STX7: variants seen among roughly 807,000 people sequenced by gnomAD.
STX7 encodes syntaxin 7.
In STX7, 34 loss-of-function variants were observed where a neutral mutation model predicts 39.6. The observed-to-expected ratio is 0.86, with a 90% CI of 0.65 to 1.14. The LOEUF (loss-of-function observed/expected upper bound fraction) is 1.14, where lower values mean the gene tolerates loss of function less well. Ranked by LOEUF, STX7 falls within the 50% of genes most tolerant of loss-of-function variation. The probability of loss-of-function intolerance (pLI) is 0.00; values close to 1 mark genes in which losing one functional copy is unlikely to be tolerated. For missense variants in STX7, 284 were observed against 310.4 expected (o/e 0.92, Z 0.64); for synonymous variants, 119 against 99.1 (o/e 1.20, Z -1.19).
intron 3 of STX7, 57 bp downstream of exon 3, chr6:132,475,536 A>C: frequency 8.0e-7 from 1 of 1,245,424 alleles, no homozygotes. Flanking sequence ...TAAAAGCAAC[A>C]GAATAATAGC....
intron 1 of STX7, among the ~76,000 whole-genome samples, chr6:132,506,948 TAA>T: frequency 6.6e-6 from 1 of 152,310 alleles, no homozygotes; most frequent in East Asian, 1.9e-4. Context: ...GTAGTGTATA[TAA>T]ATGCAATGGA....
intron 8 of STX7, among the ~76,000 whole-genome samples, chr6:132,465,337 TCAA>T (rs1475327027): frequency 6.6e-6 from 1 of 152,106 alleles, no homozygotes. Flanking sequence ...CCAACAATTT[TCAA>T]CTTTCATTGA....
intron 8 of STX7, 123 bp from the exon 9 acceptor site, chr6:132,464,198 T>C: frequency 1.1e-6 from 1 of 942,120 alleles, no homozygotes; most frequent in Admixed American, 2.1e-5. Flanking sequence ...AATAGTAGTA[T>C]ATCATAAAGT....
intron 6 of STX7, 46 bp from the exon 7 acceptor site, chr6:132,470,093 A>G (rs1444202231): frequency 7.2e-7 from 1 of 1,384,022 alleles, no homozygotes; most frequent in South Asian, 1.4e-5. Context: ...ATTGGTATTC[A>G]AAACAATGGG....
chr6:132,503,739 T>A (rs995635675), intron 1 of STX7, among the ~76,000 whole-genome samples, 151 bp from the exon 2 acceptor site: 2 of 146,912 alleles, frequency 1.4e-5, no homozygotes, highest in Non-Finnish European at 3.0e-5. Flanking sequence ...AAAACTCTCA[T>A]GTCTACTAAA....
At chr6:132,485,897 A>C (rs962449187) in intron 2 of STX7, among the ~76,000 whole-genome samples, 1 of 152,206 alleles carries the variant, frequency 6.6e-6, no homozygotes, top group Non-Finnish European at 1.5e-5. Flanking sequence ...AATTTCAGCA[A>C]TATTTTGTAC....
At position 132,503,527 on chromosome 6, in the gene STX7, A is replaced by C; in HGVS notation, c.4T>G (p.Ser2Ala). 1 of 1,613,716 alleles carries C rather than the reference A, an allele frequency of 6.2e-7. No homozygotes were observed. Among genetic ancestry groups the C allele is most frequent in the Non-Finnish European group, 8.5e-7 (1 of 1,179,694 alleles). Reference sequence around the variant, plus strand: ...TCACCACCAACTCCTGGAGTGTAAGACATGGTTGATGTTCTTATTCGCTAA... The same window carrying C: ...TCACCACCAACTCCTGGAGTGTAAGCCATGGTTGATGTTCTTATTCGCTAA... M[S>A]YTPGVGGDPA... The change falls in exon 2 of 10, where the codon TCT (serine) becomes GCT (alanine). Residue 2 changes from serine to alanine, a missense_variant. Coordinates refer to ENST00000367941, the MANE Select transcript of STX7 (RefSeq NM_003569.3).
At chr6:132,462,315 G>A (rs991282014) in intron 9 of STX7, among the ~76,000 whole-genome samples, 4 of 152,222 alleles carry the variant, frequency 2.6e-5, no homozygotes, top group East Asian at 3.9e-4. Flanking sequence ...CACTTGTGCT[G>A]CATGGCCATC....
chr6:132,463,982 A>C lies in STX7; in HGVS notation c.693+11T>G, dbSNP rs1191004659. ...GATAAGTTATAAGAAAATTGATCAC[A>C]GTTAAATTACCTGATAATCTGCTGC... On this transcript the variant is annotated intron_variant, in intron 9 of 9. Coordinates refer to ENST00000367941, the MANE Select transcript of STX7 (RefSeq NM_003569.3). 1.2e-6 allele frequency: 2 copies of C among 1,613,596 alleles called. No homozygotes were observed. Among genetic ancestry groups the C allele is most frequent in the Middle Eastern group, 1.6e-4 (1 of 6,080 alleles).
chr6:132,461,981 C>G, intron 9 of STX7: 5 of 925,662 alleles, frequency 5.4e-6, no homozygotes, highest in Non-Finnish European at 7.9e-6. Flanking sequence ...TTTGAATATT[C>G]CACATATTCA....
chr6:132,461,849 G>C (rs933192026), intron 9 of STX7: 13 of 1,541,306 alleles, frequency 8.4e-6, no homozygotes, highest in Non-Finnish European at 1.1e-5. Context: ...TCAACATGCA[G>C]GAATCCTTTT....
At chr6:132,506,810 A>C (rs1467988904) in intron 1 of STX7, among the ~76,000 whole-genome samples, 1 of 152,028 alleles carries the variant, frequency 6.6e-6, no homozygotes, top group Non-Finnish European at 1.5e-5. Flanking sequence ...GAAAAAAAAA[A>C]CCATTATACC....
chr6:132,479,761 A>AAAAT (rs1335919043), intron 2 of STX7, among the ~76,000 whole-genome samples: 1 of 152,174 alleles, frequency 6.6e-6, no homozygotes, highest in African/African-American at 2.4e-5. Flanking sequence ...ATACTCTATT[A>AAAAT]AATCATTTTT....
At chr6:132,492,443 G>C (rs1412380381) in intron 2 of STX7, among the ~76,000 whole-genome samples, 1 of 152,044 alleles carries the variant, frequency 6.6e-6, no homozygotes, top group East Asian at 1.9e-4. Flanking sequence ...CTCATTAAAG[G>C]TTCACTCCAT....
Position 132,470,560 on chromosome 6 carries a change from T to G in STX7, c.440+14A>C, listed in dbSNP as rs769046639. 6.3e-7 allele frequency: 1 copy of G among 1,595,532 alleles called. No homozygotes were observed. The highest frequency in any genetic ancestry group is 8.6e-7 in the Non-Finnish European group (1 of 1,167,046). ...AATTACCTTTTGATCTGTAAAATGT[T>G]TTGTATTTCTTACCTTTCCCAGGAT... On this transcript the variant is annotated intron_variant, in intron 6 of 9. Coordinates refer to ENST00000367941, the MANE Select transcript of STX7 (RefSeq NM_003569.3).
chr6:132,477,947 T>C (rs1206231653), intron 2 of STX7, among the ~76,000 whole-genome samples: 2 of 152,140 alleles, frequency 1.3e-5, no homozygotes, highest in Non-Finnish European at 2.9e-5. Flanking sequence ...CACTGATAAT[T>C]AAACTTTTAT....
At chr6:132,484,461 C>A (rs1775082089) in intron 2 of STX7, among the ~76,000 whole-genome samples, 1 of 152,156 alleles carries the variant, frequency 6.6e-6, no homozygotes, top group Non-Finnish European at 1.5e-5. Context: ...ACCCGTCAGA[C>A]TTCACCAGCA....
intron 2 of STX7, among the ~76,000 whole-genome samples, chr6:132,499,604 ATT>A (rs1775501558): frequency 6.6e-6 from 1 of 152,158 alleles, no homozygotes; most frequent in Non-Finnish European, 1.5e-5. Context: ...ACATTCTTTA[ATT>A]TCTAGAAATC....
At chr6:132,478,501 G>A (rs759976785) in intron 2 of STX7, among the ~76,000 whole-genome samples, 3 of 152,020 alleles carry the variant, frequency 2.0e-5, no homozygotes, top group Non-Finnish European at 4.4e-5. Flanking sequence ...GAAGCCCCTG[G>A]GGACCCACTC....
Sources: gnomAD v4.1 joint callset for allele counts (sites outside exome capture counted in the v4.1 genomes callset) on GRCh38, gnomAD v4.1.1 for gene constraint, MANE v1.5 for transcripts, NCBI Gene and HGNC (gene_info 2026-07-23, HGNC 2026-07-21) for gene names.